MSRA: variants seen among roughly 807,000 people sequenced by gnomAD.
The protein encoded by MSRA is mitochondrial peptide methionine sulfoxide reductase.
MSRA carries 54 observed loss-of-function variants against 31.3 expected under a neutral mutation model. The observed-to-expected ratio is 1.73, with a 90% CI of 1.39 to 2.17. The LOEUF is 2.17. Among genes scored for constraint, MSRA ranks in the 30% most tolerant of loss-of-function variants. The pLI, the probability that MSRA is intolerant of heterozygous loss-of-function variation, is 0.00. For synonymous variants in MSRA, 169 were observed against 116.5 expected, an observed-to-expected ratio of 1.45 and a Z score of -2.90; for missense variants, 507 against 300.9, an observed-to-expected ratio of 1.69 and a Z score of -5.07.
At position 10,172,156 on chromosome 8, in the gene MSRA, G is replaced by T. The variant is rs540848493; in HGVS notation, c.143-35677G>T. Among the ~76,000 whole-genome samples the T allele has an allele frequency of 7.2e-5, 11 of 152,308 alleles. No individual in the cohort carries two copies. In the East Asian group the frequency reaches 2.1e-3, roughly 29 times the overall value. ...AGATGCATGCTCCCTCCATGCCAAT[G>T]TGTGGAAAGGGAGTGACGGACAAAG... On this transcript the variant is annotated intron_variant, in intron 1 of 5. Transcript: ENST00000317173.
intron 1 of MSRA, among the ~76,000 whole-genome samples, chr8:10,145,803 G>C (rs530675764): frequency 2.0e-5 from 3 of 152,174 alleles, no homozygotes; most frequent in East Asian, 1.9e-4. Context: ...TACACACACA[G>C]ATGTACATAC....
chr8:10,103,942 G>A (rs868124942), intron 1 of MSRA, among the ~76,000 whole-genome samples: 1 of 151,992 alleles, frequency 6.6e-6, no homozygotes, highest in African/African-American at 2.4e-5. Context: ...TGGAATTACA[G>A]CGTATACATG....
chr8:10,237,860 C>G (rs571094152), intron 2 of MSRA, among the ~76,000 whole-genome samples: 1 of 152,234 alleles, frequency 6.6e-6, no homozygotes, highest in Non-Finnish European at 1.5e-5. Context: ...CCACCATTAT[C>G]TCTCACTTGG....
chr8:10,113,109 C>T (rs1011295049), intron 1 of MSRA, among the ~76,000 whole-genome samples: 4 of 151,862 alleles, frequency 2.6e-5, no homozygotes, highest in Non-Finnish European at 5.9e-5. Context: ...ATGGTTTTAT[C>T]CTCAGGGTAG....
intron 5 of MSRA, among the ~76,000 whole-genome samples, chr8:10,421,033 C>A (rs1363370207): frequency 6.6e-6 from 1 of 152,140 alleles, no homozygotes; most frequent in African/African-American, 2.4e-5. Flanking sequence ...AAGAGATGGC[C>A]TGTGAAATAA....
chr8:10,423,759 T>C (rs1026897832), intron 5 of MSRA, among the ~76,000 whole-genome samples: 11 of 152,344 alleles, frequency 7.2e-5, no homozygotes. Context: ...GGAAAGTGGC[T>C]GCCTGAGTCC....
intron 1 of MSRA, among the ~76,000 whole-genome samples, chr8:10,133,566 G>T (rs765139726): frequency 1.3e-5 from 2 of 152,194 alleles, no homozygotes; most frequent in African/African-American, 2.4e-5. Flanking sequence ...CCTACCAGCT[G>T]TGTGGCCCTT....
chr8:10,127,055 T>C lies in MSRA; in HGVS notation c.142+72397T>C, dbSNP rs1414843845. 3.3e-5 allele frequency among the ~76,000 whole-genome samples: 5 copies of C among 152,214 alleles called. No homozygotes were observed. In the East Asian group the frequency reaches 5.8e-4, roughly 18 times the overall value. ...CTCTAGAGTTAACTACAGATGACATTCTGGCGAACATACTACCAGACATTT... is the reference window on the plus strand; with the variant it reads ...CTCTAGAGTTAACTACAGATGACATCCTGGCGAACATACTACCAGACATTT... On this transcript the variant is annotated intron_variant, in intron 1 of 5. Coordinates refer to ENST00000317173, the MANE Select transcript of MSRA (RefSeq NM_012331.5).
In MSRA at chr8:10,294,167, C is replaced by G. The variant is rs1800402807; in HGVS notation, c.332-7367C>G. 2.6e-5 allele frequency among the ~76,000 whole-genome samples: 4 copies of G among 152,292 alleles called. No individual in the cohort carries two copies. In the South Asian group the frequency reaches 8.3e-4, roughly 32 times the overall value. The stretch of plus-strand genomic sequence containing the variant: ...AGTGAACCGAGATTGCACCACTGCA[C>G]TCCAGCCTGGGCAAGAGAGTGAGAC... On this transcript the variant is annotated intron_variant, in intron 3 of 5. Coordinates refer to ENST00000317173, the MANE Select transcript of MSRA (RefSeq NM_012331.5).
chr8:10,367,241 G>A (rs1805219442), intron 5 of MSRA, among the ~76,000 whole-genome samples: 1 of 152,050 alleles, frequency 6.6e-6, no homozygotes, highest in Admixed American at 6.5e-5. Context: ...CAAGATGGGT[G>A]AGTAAGAACA....
At chr8:10,296,703 G>T (rs923592665) in intron 3 of MSRA, among the ~76,000 whole-genome samples, 3 of 152,206 alleles carry the variant, frequency 2.0e-5, no homozygotes, top group African/African-American at 7.2e-5. Context: ...AGAGTGGTTG[G>T]GTAGATAAAG....
intron 1 of MSRA, among the ~76,000 whole-genome samples, chr8:10,162,077 G>A (rs1456925898): frequency 6.6e-6 from 1 of 152,202 alleles, no homozygotes. Flanking sequence ...CTTTGAAGCA[G>A]GGCCGTAGGA....
At chr8:10,380,437 C>A (rs1004074618) in intron 5 of MSRA, among the ~76,000 whole-genome samples, 2 of 152,166 alleles carry the variant, frequency 1.3e-5, no homozygotes, top group African/African-American at 4.8e-5. Context: ...AGCATCATTG[C>A]AATTCACTTT....
chr8:10,083,673 A>T (rs1411708688), intron 1 of MSRA, among the ~76,000 whole-genome samples: 1 of 152,116 alleles, frequency 6.6e-6, no homozygotes, highest in East Asian at 1.9e-4. Context: ...AGGAAATTTT[A>T]TTCAAAGAGG....
chr8:10,144,128 C>G (rs947835238), intron 1 of MSRA, among the ~76,000 whole-genome samples: 2 of 152,166 alleles, frequency 1.3e-5, no homozygotes, highest in African/African-American at 2.4e-5. Flanking sequence ...GGATCGCCAC[C>G]ATCTTTAGGA....
At chr8:10,330,116 G>A (rs1802608958) in intron 5 of MSRA, among the ~76,000 whole-genome samples, 2 of 146,562 alleles carry the variant, frequency 1.4e-5, no homozygotes, top group Admixed American at 1.4e-4. Context: ...TTTGAGCCCT[G>A]ACTTAATTTC....
At chr8:10,234,948 G>T (rs542673027) in intron 2 of MSRA, among the ~76,000 whole-genome samples, 1 of 151,966 alleles carries the variant, frequency 6.6e-6, no homozygotes, top group African/African-American at 2.4e-5. Flanking sequence ...AACTAAAAGA[G>T]AAATCAAAAA....
chr8:10,089,363 T>C (rs944232351), intron 1 of MSRA, among the ~76,000 whole-genome samples: 2 of 152,236 alleles, frequency 1.3e-5, no homozygotes, highest in Non-Finnish European at 2.9e-5. Flanking sequence ...GTGTTCATTT[T>C]CACCTCCTCT....
At chr8:10,289,085 G>A (rs370042244) in intron 3 of MSRA, among the ~76,000 whole-genome samples, 4 of 151,232 alleles carry the variant, frequency 2.6e-5, no homozygotes, top group African/African-American at 7.3e-5. Context: ...GCATGATCTC[G>A]GCTCACTGCA....
Sources: allele counts gnomAD v4.1 joint callset (sites outside exome capture counted in the v4.1 genomes callset), GRCh38; gene constraint gnomAD v4.1.1; transcripts MANE v1.5; gene names NCBI Gene and HGNC (gene_info 2026-07-23, HGNC 2026-07-21).